The following COQ10B variants were observed in gnomAD, a reference collection of about 807,000 sequenced individuals.
COQ10B encodes coenzyme Q10B, also known as coenzyme Q-binding protein COQ10 homolog B, mitochondrial.
In COQ10B, 12 loss-of-function variants were observed where a neutral mutation model predicts 27.6. The observed-to-expected ratio is 0.43, with a 90% CI of 0.28 to 0.70. The LOEUF (loss-of-function observed/expected upper bound fraction) is 0.70. Among genes scored for constraint, COQ10B ranks in the 30% least tolerant of loss-of-function variants. COQ10B has a pLI of 0.17. For synonymous variants in COQ10B, 115 were observed against 103.0 expected (o/e 1.12, Z -0.71); for missense variants, 278 against 288.7 (o/e 0.96, Z 0.27).
At chr2:197,454,378 G>A in intron 1 of COQ10B, 1 of 308,364 alleles carries the variant, frequency 3.2e-6, no homozygotes, top group East Asian at 7.1e-5. Flanking sequence ...TGTTTAAAAT[G>A]AATTCAGGTG....
In COQ10B at chr2:197,455,036, A is replaced by G. The variant is rs1005200336; in HGVS notation, c.104+1372A>G. 4.6e-5 allele frequency among the ~76,000 whole-genome samples: 7 copies of G among 152,130 alleles called. No individual in the cohort carries two copies. In the South Asian group the frequency reaches 1.4e-3, roughly 31 times the overall value. ...CTGTCCAGGCCACTGTAACTATAGC[A>G]TGCAGATTGATCAGAAAATGTCCTG... On this transcript the variant is annotated intron_variant, in intron 1 of 4. Coordinates refer to ENST00000263960, the MANE Select transcript of COQ10B (RefSeq NM_025147.5).
Position 197,460,130 on chromosome 2 carries a change from C to T in COQ10B, c.254+49C>T, listed in dbSNP as rs372019133. On this transcript the variant is annotated intron_variant, in intron 2 of 4. Coordinates refer to ENST00000263960, the MANE Select transcript of COQ10B (RefSeq NM_025147.5). ...CTAAAAGAGCATGTTCACAATTTTC[C>T]GTGGGGTATCGTGTTGTGCCTCTTT... 42 of 1,335,800 alleles carry T rather than the reference C, an allele frequency of 3.1e-5. No individual in the cohort carries two copies. In the Admixed American group the frequency reaches 4.5e-4, roughly 14 times the overall value. The allele number at this position is 1,335,800 out of a possible 1,614,324, so 82.7% of individuals were successfully genotyped here. A position where few individuals can be genotyped will look rare whatever the true frequency, so the allele number is the denominator to read the frequency against.
chr2:197,465,037 C>A (rs1024498584), intron 3 of COQ10B, among the ~76,000 whole-genome samples: 6 of 151,902 alleles, frequency 3.9e-5, no homozygotes, highest in Non-Finnish European at 7.4e-5. Flanking sequence ...AGGCTCCCAC[C>A]GCCAAGCCTG....
At position 197,473,780 on chromosome 2, in the gene COQ10B, T is replaced by G; in HGVS notation, c.573T>G (p.Leu191=). ...DFSISFEFRS[L]LHSQLATLFF... ...AGATTTCTTTTGAATTTCGATCACT[T>G]CTACATTCCCAGCTTGCCACACTCT... Residue 191 remains leucine (L), a synonymous_variant, in exon 5 of 5, where the codon CTT becomes CTG. Transcript: ENST00000263960. 1 of 1,581,880 alleles carries G rather than the reference T, an allele frequency of 6.3e-7. No homozygotes were observed. The highest frequency in any genetic ancestry group is 8.6e-7 in the Non-Finnish European group (1 of 1,164,180).
intron 1 of COQ10B, among the ~76,000 whole-genome samples, chr2:197,456,501 A>G (rs1391075710): frequency 6.7e-6 from 1 of 150,016 alleles, no homozygotes; most frequent in African/African-American, 2.5e-5. Context: ...GCAGTGGCTC[A>G]CGCTTGTAAT....
chr2:197,467,541 C>A (rs2085837685), intron 3 of COQ10B, among the ~76,000 whole-genome samples: 1 of 152,126 alleles, frequency 6.6e-6, no homozygotes, highest in Non-Finnish European at 1.5e-5. Context: ...CCACGCCCAG[C>A]TAATTTTGTA....
intron 3 of COQ10B, among the ~76,000 whole-genome samples, chr2:197,468,121 G>A (rs2085844040): frequency 6.6e-6 from 1 of 151,996 alleles, no homozygotes; most frequent in Non-Finnish European, 1.5e-5. Context: ...TGGAGTGAGT[G>A]AAATACTGCC....
intron 1 of COQ10B, among the ~76,000 whole-genome samples, chr2:197,455,045 G>A (rs148185260): frequency 3.5e-4 from 53 of 152,230 alleles, no homozygotes; most frequent in African/African-American, 1.0e-3. Flanking sequence ...CATGCAGATT[G>A]ATCAGAAAAT....
intron 1 of COQ10B, among the ~76,000 whole-genome samples, chr2:197,459,363 G>T (rs1049855331): frequency 6.6e-6 from 1 of 151,940 alleles, no homozygotes; most frequent in African/African-American, 2.4e-5. Flanking sequence ...AGACAGGGTC[G>T]CTATGTTGCC....
intron 3 of COQ10B, among the ~76,000 whole-genome samples, chr2:197,466,455 T>C (rs2085825688): frequency 1.3e-5 from 2 of 152,210 alleles, no homozygotes; most frequent in East Asian, 3.8e-4. Context: ...ATATATTTCT[T>C]CAACAGGATT....
intron 1 of COQ10B, among the ~76,000 whole-genome samples, chr2:197,458,979 C>A (rs996957959): frequency 1.3e-5 from 2 of 152,124 alleles, no homozygotes; most frequent in Non-Finnish European, 2.9e-5. Flanking sequence ...CTCACCCAGT[C>A]ACTTATGTAA....
intron 4 of COQ10B, among the ~76,000 whole-genome samples, chr2:197,471,340 C>T (rs1292197901): frequency 6.6e-6 from 1 of 151,962 alleles, no homozygotes; most frequent in Non-Finnish European, 1.5e-5. Context: ...TGGGGTTTTG[C>T]CATGTTTCCC....
chr2:197,462,655 G>A lies in COQ10B; in HGVS notation c.371G>A (p.Arg124Lys). The change falls in exon 3 of 5, where the codon AGA becomes AAA. Residue 124 changes from arginine (R) to lysine (K), a missense_variant. Arg to Lys is a conservative substitution (Grantham distance 26, BLOSUM62 2). Transcript: ENST00000263960. ...AAGAGATCTGGATATTGTAAAACAA[G>A]ATTAGAAATTGGATTTCCACCTGTG... ...ISKRSGYCKT[R>K]LEIGFPPVLE... is the part of the protein sequence containing the mutation. The A allele has an allele frequency of 1.2e-6, 2 of 1,603,650 alleles. No individual in the cohort carries two copies. The highest frequency in any genetic ancestry group is 1.7e-6 in the Non-Finnish European group (2 of 1,175,284).
chr2:197,459,911 A>G (rs2085737638), intron 1 of COQ10B, 21 bp from the exon 2 acceptor site: 4 of 1,559,786 alleles, frequency 2.6e-6, no homozygotes, highest in Non-Finnish European at 3.5e-6. Flanking sequence ...ACTCTAAATC[A>G]GGTGATTTTT....
At chr2:197,473,391 GCC>G (rs1192361339) in intron 4 of COQ10B, among the ~76,000 whole-genome samples, 1 of 80,706 alleles carries the variant, frequency 1.2e-5, no homozygotes, top group Non-Finnish European at 2.3e-5. Context: ...CCTTCTCTAC[GCC>G]CCCCCCCACA....
chr2:197,469,676 A>T (rs1203833494), intron 3 of COQ10B, among the ~76,000 whole-genome samples: 1 of 152,174 alleles, frequency 6.6e-6, no homozygotes, highest in African/African-American at 2.4e-5. Context: ...TCATGATATA[A>T]AGTAGGTATT....
chr2:197,470,222 A>G (rs750109162), intron 4 of COQ10B, 51 bp downstream of exon 4: 20 of 1,041,910 alleles, frequency 1.9e-5, no homozygotes, highest in Non-Finnish European at 2.8e-5. Flanking sequence ...TAAAATTGGT[A>G]AAAAGTAATC....
At chr2:197,473,402 C>CAAAAAAA (rs1208430482) in intron 4 of COQ10B, among the ~76,000 whole-genome samples, 1 of 45,680 alleles carries the variant, frequency 2.2e-5, no homozygotes, top group African/African-American at 1.0e-4. Context: ...CCCCCCCCCA[C>CAAAAAAA]AAAAAAAAAA....
chr2:197,467,153 G>A (rs2085833062), intron 3 of COQ10B, among the ~76,000 whole-genome samples: 1 of 151,936 alleles, frequency 6.6e-6, no homozygotes, highest in Non-Finnish European at 1.5e-5. Context: ...CACCATGTTG[G>A]CCAGGCTGGT....
Sources: allele counts gnomAD v4.1 joint callset (sites outside exome capture counted in the v4.1 genomes callset), GRCh38; gene constraint gnomAD v4.1.1; transcripts MANE v1.5; gene names NCBI Gene and HGNC (gene_info 2026-07-23, HGNC 2026-07-21).